Variants in CFAP69 observed in about 807,000 individuals in gnomAD.
The protein encoded by CFAP69 is cilia and flagella associated protein 69.
A neutral mutation model predicts 123.0 loss-of-function variants in CFAP69; 92 were observed. That is an observed-to-expected ratio of 0.75 (90% CI 0.63 to 0.89). The LOEUF is 0.89. Ranked by LOEUF, CFAP69 falls within the 40% of genes least tolerant of loss-of-function variation. The probability of loss-of-function intolerance (pLI) is 0.00; values close to 1 mark genes in which losing one functional copy is unlikely to be tolerated. For missense variants in CFAP69, 1,067 were observed against 1,096.9 expected (o/e 0.97, Z 0.39); for synonymous variants, 380 against 364.3 (o/e 1.04, Z -0.49).
chr7:90,314,111 C>T (rs1329047722), downstream of CFAP69, among the ~76,000 whole-genome samples: 1 of 152,120 alleles, frequency 6.6e-6, no homozygotes, highest in Non-Finnish European at 1.5e-5. Flanking sequence ...TCAAAATTGT[C>T]AAGGTCATCA....
chr7:90,266,629 A>G (rs1799201682), intron 5 of CFAP69, among the ~76,000 whole-genome samples: 2 of 151,972 alleles, frequency 1.3e-5, no homozygotes, highest in African/African-American at 4.8e-5. Context: ...AATGACTGGT[A>G]CCCTGCCTGC....
chr7:90,304,643 GTAGATAGATAGATAGATAGATAGA>G (rs66750678), intron 18 of CFAP69, 77 bp from the exon 19 acceptor site: 177 of 1,277,564 alleles, frequency 1.4e-4, no homozygotes, highest in East Asian at 1.0e-3. Flanking sequence ...TTTTAGATAG[GTAGATAGATAGATAGATAGATAGA>G]TAGATAGATA....
chr7:90,268,352 A>G lies in CFAP69; in HGVS notation c.500A>G (p.Tyr167Cys), dbSNP rs200834034. 22 of 1,610,682 alleles carry G rather than the reference A, an allele frequency of 1.4e-5. No homozygotes were observed. Among genetic ancestry groups the G allele is most frequent in the Non-Finnish European group, 1.7e-5 (20 of 1,178,704 alleles). The change falls in exon 6 of 23, where the codon TAT becomes TGT. Residue 167 changes from tyrosine to cysteine, a missense_variant. Transcript: ENST00000389297. ...ATTTGTAAGTGTATTGTTGATTTTT[A>G]TCATGCAGAACCACCAAAGAAGCAT... is the stretch of plus-strand genomic sequence containing the variant. The part of the protein sequence containing the change: ...IQICKCIVDF[Y>C]HAEPPKKHIP...
At chr7:90,269,783 C>G (rs1584391336) in intron 6 of CFAP69, among the ~76,000 whole-genome samples, 1 of 152,148 alleles carries the variant, frequency 6.6e-6, no homozygotes, top group Middle Eastern at 3.4e-3. Context: ...AGATGGAGAA[C>G]AGCTCAGCTA....
At chr7:90,300,178 T>TC in intron 17 of CFAP69, 119 bp downstream of exon 17, 2 of 1,225,416 alleles carry the variant, frequency 1.6e-6, no homozygotes, top group Non-Finnish European at 2.1e-6. Context: ...TTTTTTTTTT[T>TC]TTACAAGGGT....
chr7:90,271,269 GTT>G (rs1470165764), intron 6 of CFAP69, among the ~76,000 whole-genome samples: 2 of 152,048 alleles, frequency 1.3e-5, no homozygotes, highest in African/African-American at 4.8e-5. Context: ...TATTTGTACT[GTT>G]TATTACTGCT....
intron 5 of CFAP69, among the ~76,000 whole-genome samples, chr7:90,266,701 C>T (rs998624245): frequency 1.3e-5 from 2 of 151,654 alleles, no homozygotes; most frequent in East Asian, 3.9e-4. Flanking sequence ...GAGCTTCCTT[C>T]GCTGATTACT....
intron 15 of CFAP69, among the ~76,000 whole-genome samples, chr7:90,293,949 C>T (rs1791567390): frequency 6.6e-6 from 1 of 152,218 alleles, no homozygotes; most frequent in Non-Finnish European, 1.5e-5. Flanking sequence ...CTTGCACAAA[C>T]TCCCTTTCAC....
intron 12 of CFAP69, among the ~76,000 whole-genome samples, chr7:90,281,271 C>T (rs1489439563): frequency 6.6e-6 from 1 of 151,890 alleles, no homozygotes; most frequent in East Asian, 1.9e-4. Flanking sequence ...ACAATTTTAA[C>T]CAACATGCAA....
intron 3 of CFAP69, among the ~76,000 whole-genome samples, chr7:90,260,215 T>G (rs950185919): frequency 2.0e-5 from 3 of 152,124 alleles, no homozygotes; most frequent in African/African-American, 7.2e-5. Flanking sequence ...CTTGAACAGT[T>G]GTCTGACTTG....
intron 12 of CFAP69, among the ~76,000 whole-genome samples, chr7:90,281,936 A>G (rs993168835): frequency 3.3e-5 from 5 of 152,208 alleles, no homozygotes; most frequent in Admixed American, 6.5e-5. Context: ...TACAAGGACT[A>G]GGGACTGCCA....
intron 16 of CFAP69, 47 bp from the exon 17 acceptor site, chr7:90,299,820 C>A: frequency 2.2e-6 from 3 of 1,384,940 alleles, no homozygotes; most frequent in Admixed American, 2.4e-5. Context: ...GACAATAATT[C>A]TTAATATTTA....
intron 1 of CFAP69, among the ~76,000 whole-genome samples, chr7:90,253,877 C>T (rs1468947497): frequency 6.6e-6 from 1 of 152,150 alleles, no homozygotes; most frequent in Non-Finnish European, 1.5e-5. Flanking sequence ...TTGTGGCCTG[C>T]ACTTTTGAGG....
Position 90,288,277 on chromosome 7 carries a change from T to G in CFAP69, c.1700T>G (p.Met567Arg). The change falls in exon 15 of 23, where the codon ATG becomes AGG. Residue 567 changes from methionine to arginine, a missense_variant. Met to Arg is a moderately conservative substitution (Grantham distance 91, BLOSUM62 -1). Coordinates refer to ENST00000389297, the MANE Select transcript of CFAP69 (RefSeq NM_001039706.3). ...GGAGTAGATATCGTTCTTCATGTGA[T>G]GAAAACAGACCCCAGGAAGTTACAG... is the stretch of plus-strand genomic sequence containing the variant. ...TEGVDIVLHV[M>R]KTDPRKLQSG... 1 of 1,612,460 alleles carries G rather than the reference T, an allele frequency of 6.2e-7. No homozygotes were observed. Among genetic ancestry groups the G allele is most frequent in the Non-Finnish European group, 8.5e-7 (1 of 1,178,842 alleles).
At chr7:90,303,520 C>G in intron 17 of CFAP69, 5 of 937,302 alleles carry the variant, frequency 5.3e-6, no homozygotes, top group Non-Finnish European at 6.4e-6. Flanking sequence ...AATACTTCCC[C>G]TTCTGATGAC....
At chr7:90,279,517 G>GTT (rs149571447) in intron 11 of CFAP69, among the ~76,000 whole-genome samples, 160 bp from the exon 12 acceptor site, 1 of 146,362 alleles carries the variant, frequency 6.8e-6, no homozygotes, top group African/African-American at 2.5e-5. Flanking sequence ...TTAATTTTTG[G>GTT]TGTTTTTTTT....
At chr7:90,271,096 TA>T (rs143162747) in intron 6 of CFAP69, among the ~76,000 whole-genome samples, 6,775 of 152,242 alleles carry the variant, frequency 0.045, 195 homozygotes, top group South Asian at 0.11. Flanking sequence ...TTGAAAGTCA[TA>T]TCTACTGACA....
rs1271091732 is a variant in CFAP69, at chr7:90,255,454, T to G, written c.152T>G (p.Val51Gly). The G allele has an allele frequency of 6.2e-7, 1 of 1,612,908 alleles. No homozygotes were observed. Among genetic ancestry groups the G allele is most frequent in the Admixed American group, 1.7e-5 (1 of 59,994 alleles). The change falls in exon 2 of 23, where the codon GTC (valine) becomes GGC (glycine). Residue 51 changes from valine (V) to glycine (G), a missense_variant. Coordinates refer to ENST00000389297, the MANE Select transcript of CFAP69 (RefSeq NM_001039706.3). ...TTCAAGCCTATGGACCTTAATCGTGTCATCAAACTCCTCGAAGAGACTGAT... is the reference window on the plus strand; with the variant it reads ...TTCAAGCCTATGGACCTTAATCGTGGCATCAAACTCCTCGAAGAGACTGAT... ...DVFKPMDLNR[V>G]IKLLEETDKD... is the part of the protein sequence containing the mutation.
intron 17 of CFAP69, chr7:90,300,585 T>TA (rs1377773490): frequency 1.5e-5 from 6 of 411,884 alleles, no homozygotes; most frequent in African/African-American, 1.3e-4. Context: ...TAATGAGACT[T>TA]ACAGTATCAT....
Sources: gnomAD v4.1 joint callset for allele counts (sites outside exome capture counted in the v4.1 genomes callset) on GRCh38, gnomAD v4.1.1 for gene constraint, MANE v1.5 for transcripts, NCBI Gene and HGNC (gene_info 2026-07-23, HGNC 2026-07-21) for gene names.